OIT3: variants seen among roughly 807,000 people sequenced by gnomAD.
OIT3 encodes the protein oncoprotein induced transcript 3, also known as oncoprotein-induced transcript 3 protein.
Under a neutral mutation model 52.2 loss-of-function variants are expected in OIT3, and 41 were observed. The observed-to-expected ratio is 0.79, with a 90% confidence interval of 0.61 to 1.02. The LOEUF (loss-of-function observed/expected upper bound fraction) is 1.02, where lower values mean the gene tolerates loss of function less well. Among genes scored for constraint, OIT3 ranks in the 50% least tolerant of loss-of-function variants. OIT3 has a pLI of 0.00. For missense variants in OIT3, 634 were observed against 715.5 expected, an observed-to-expected ratio of 0.89 and a Z score of 1.30; for synonymous variants, 244 against 276.9, an observed-to-expected ratio of 0.88 and a Z score of 1.18.
At chr10:72,906,315 T>A (rs1221883705) in intron 3 of OIT3, among the ~76,000 whole-genome samples, 1 of 152,216 alleles carries the variant, frequency 6.6e-6, no homozygotes, top group African/African-American at 2.4e-5. Flanking sequence ...TAGGTAGGTG[T>A]ACCCACGACT....
At chr10:72,895,471 G>A (rs1274145145) in intron 1 of OIT3, among the ~76,000 whole-genome samples, 1 of 152,142 alleles carries the variant, frequency 6.6e-6, no homozygotes. Flanking sequence ...ACTAGAGCTG[G>A]TGTTTGCCCT....
rs1846208224 is a variant in OIT3 at position 72,930,634 on chromosome 10, CA to C, written c.1466del (p.Lys489ArgfsTer46). 12 of 1,366,418 alleles carry C rather than the reference CA, an allele frequency of 8.8e-6. No individual in the cohort carries two copies. The African/African-American group carries it at 1.3e-4, about 15-fold the overall frequency. 84.6% of individuals were successfully genotyped at this position (1,366,418 alleles called of 1,614,324 possible). A position where few individuals can be genotyped will look rare whatever the true frequency, so the allele number is the denominator to read the frequency against. ...TCTTCAAGTTTGTGGGCAAAGACCACAAGGTGAGTTGAACATCTTTAATTTA... is the reference window on the plus strand; with the variant it reads ...TCTTCAAGTTTGTGGGCAAAGACCACAGGTGAGTTGAACATCTTTAATTTA... ...PVFKFVGKDH[K>X]EVFLHCRVLV... On this transcript the variant is annotated frameshift_variant and splice_region_variant, in exon 8 of 9. Transcript: ENST00000334011. LOFTEE classifies it high-confidence loss of function.
chr10:72,928,836 A>G (rs562037564), intron 7 of OIT3, among the ~76,000 whole-genome samples: 13 of 152,324 alleles, frequency 8.5e-5, no homozygotes, highest in African/African-American at 3.1e-4. Flanking sequence ...TAGTAACACT[A>G]GTCAAGATGC....
intron 6 of OIT3, chr10:72,918,249 G>A (rs1242347570): frequency 1.6e-5 from 13 of 816,182 alleles, no homozygotes; most frequent in Non-Finnish European, 2.8e-5. Flanking sequence ...GATCACTGGG[G>A]GTGTTATTTC....
At chr10:72,912,985 T>C (rs1299153528) in intron 5 of OIT3, among the ~76,000 whole-genome samples, 3 of 152,180 alleles carry the variant, frequency 2.0e-5, no homozygotes, top group Admixed American at 6.5e-5. Context: ...GCTAATAAAT[T>C]GTGTTTGTGC....
At chr10:72,906,553 A>C (rs1212845643) in intron 3 of OIT3, 43 bp from the exon 4 acceptor site, 10 of 1,610,994 alleles carry the variant, frequency 6.2e-6, no homozygotes, top group African/African-American at 1.3e-5. Context: ...GAAAAGGCTG[A>C]ATCACTCAGC....
intron 8 of OIT3, 65 bp from the exon 9 acceptor site, chr10:72,932,289 C>G: frequency 7.0e-7 from 1 of 1,422,142 alleles, no homozygotes; most frequent in Non-Finnish European, 9.9e-7. Flanking sequence ...AGTATTGTGT[C>G]TTGTAAGTGC....
Position 72,932,421 on chromosome 10 carries a change from G to T in OIT3, c.1535G>T (p.Gly512Val), listed in dbSNP as rs1846224635. The T allele has an allele frequency of 6.2e-7, 1 of 1,614,224 alleles. No individual in the cohort carries two copies. Among genetic ancestry groups the T allele is most frequent in the Admixed American group, 1.7e-5 (1 of 60,034 alleles). ...VLDERSRCAQ[G>V]CHRRMRRGAG... ...GACGAGCGTTCCCGCTGTGCCCAGG[G>T]TTGCCACCGGCGAATGCGTCGTGGG... Residue 512 changes from glycine to valine, a missense_variant, in exon 9 of 9, where the codon GGT (glycine) becomes GTT (valine). By Grantham distance (109) the Gly-to-Val change is moderately radical (BLOSUM62 -3). Transcript: ENST00000334011.
At position 72,932,497 on chromosome 10, in the gene OIT3, C is replaced by A. The variant is rs772530216; in HGVS notation, c.1611C>A (p.Gly537=). 4 of 1,611,126 alleles carry A rather than the reference C, an allele frequency of 2.5e-6. No homozygotes were observed. The highest frequency in any genetic ancestry group is 3.4e-6 in the Non-Finnish European group (4 of 1,178,552). ...TACAGGGCCAGACGCTAACAGGCGG[C>A]CCGATCCGCATCGACTGGGAGGACT... ...AGLQGQTLTG[G]PIRIDWED is the part of the protein sequence containing the mutation. Residue 537 remains glycine (G), a synonymous_variant, in exon 9 of 9, where the codon GGC becomes GGA. Coordinates refer to ENST00000334011, the MANE Select transcript of OIT3 (RefSeq NM_152635.3).
In OIT3 at chr10:72,911,769, A is replaced by ATT. The variant is rs766392783; in HGVS notation, c.721_722insTT (p.Ser241PhefsTer36). The ATT allele has an allele frequency of 1.2e-5, 19 of 1,613,774 alleles. No homozygotes were observed. In the South Asian group the frequency reaches 2.1e-4, roughly 18 times the overall value. On this transcript the variant is annotated frameshift_variant, in exon 5 of 9. Transcript: ENST00000334011. LOFTEE classifies it high-confidence loss of function. The stretch of plus-strand genomic sequence containing the variant: ...GTGGCTGCAGCCACTCTTGCCTTGG[A>ATT]TCTGAGAAAGGCTACCAGTGTGAAT...
At chr10:72,896,107 C>T (rs1442139895) in intron 1 of OIT3, among the ~76,000 whole-genome samples, 1 of 152,126 alleles carries the variant, frequency 6.6e-6, no homozygotes, top group Non-Finnish European at 1.5e-5. Flanking sequence ...ATCTCCCCTA[C>T]AGCAGGGGAG....
At chr10:72,926,806 C>CT (rs1564596818) in intron 7 of OIT3, among the ~76,000 whole-genome samples, 1 of 152,014 alleles carries the variant, frequency 6.6e-6, no homozygotes. Flanking sequence ...ACTAGGTTTA[C>CT]TTTTTTTGCA....
At chr10:72,915,285 A>C (rs768100443) in intron 6 of OIT3, among the ~76,000 whole-genome samples, 2 of 152,220 alleles carry the variant, frequency 1.3e-5, no homozygotes, top group Non-Finnish European at 2.9e-5. Context: ...AGGAGGTAGA[A>C]AGAAGTTCTA....
chr10:72,926,184 G>T (rs150877925), intron 7 of OIT3, among the ~76,000 whole-genome samples: 1 of 152,308 alleles, frequency 6.6e-6, no homozygotes, highest in African/African-American at 2.4e-5. Flanking sequence ...GCACCCTCGG[G>T]GGCTTGCCCT....
chr10:72,907,542 G>A (rs1265081069), intron 4 of OIT3, among the ~76,000 whole-genome samples: 1 of 152,142 alleles, frequency 6.6e-6, no homozygotes, highest in African/African-American at 2.4e-5. Flanking sequence ...GGGCTTTTAC[G>A]CTTAGCCCCT....
At chr10:72,913,769 T>C (rs1846051327) in intron 6 of OIT3, 1 of 469,646 alleles carries the variant, frequency 2.1e-6, no homozygotes, top group South Asian at 1.7e-5. Flanking sequence ...ACATCCTCTC[T>C]GACCAATTAT....
At chr10:72,899,115 T>C (rs1406484452) in intron 2 of OIT3, 77 bp downstream of exon 2, 3 of 1,354,490 alleles carry the variant, frequency 2.2e-6, no homozygotes, top group South Asian at 2.7e-5. Flanking sequence ...TTATAGGATA[T>C]GCAGTTACAG....
chr10:72,930,362 G>T (rs1207250857), intron 7 of OIT3, among the ~76,000 whole-genome samples, 176 bp from the exon 8 acceptor site: 1 of 152,182 alleles, frequency 6.6e-6, no homozygotes, highest in Non-Finnish European at 1.5e-5. Context: ...ATAAGGCTAG[G>T]TCTGAAGAGG....
intron 6 of OIT3, 66 bp from the exon 7 acceptor site, chr10:72,924,163 G>A (rs79124660): frequency 0.051 from 69,449 of 1,358,366 alleles, 2,753 homozygotes; most frequent in East Asian, 0.21. Context: ...GGTGAGAGGA[G>A]GGGGAAAAAA....
Sources: gnomAD v4.1 joint callset for allele counts (sites outside exome capture counted in the v4.1 genomes callset) on GRCh38, gnomAD v4.1.1 for gene constraint, MANE v1.5 for transcripts, NCBI Gene and HGNC (gene_info 2026-07-23, HGNC 2026-07-21) for gene names.